CHST11: variants seen among roughly 807,000 people sequenced by gnomAD.
CHST11 encodes carbohydrate sulfotransferase 11.
A neutral mutation model predicts 30.4 loss-of-function variants in CHST11; 9 were observed. The ratio of observed to expected loss-of-function variants is 0.30; its 90% CI spans 0.18 to 0.52. The LOEUF (loss-of-function observed/expected upper bound fraction) is 0.52, where lower values mean the gene tolerates loss of function less well. Among genes scored for constraint, CHST11 ranks in the 20% least tolerant of loss-of-function variants. The pLI is 0.97. For synonymous variants in CHST11, 152 were observed against 187.8 expected (o/e 0.81, Z 1.56); for missense variants, 348 against 460.6 (o/e 0.76, Z 2.24).
chr12:104,754,996 G>A (rs1193669222), intron 2 of CHST11, among the ~76,000 whole-genome samples: 1 of 152,172 alleles, frequency 6.6e-6, no homozygotes, highest in Non-Finnish European at 1.5e-5. Context: ...ACCATCCTTT[G>A]TCCTGGGGAC....
In CHST11 at chr12:104,758,917, A is replaced by G. The variant is rs1255272361; in HGVS notation, c.*1114A>G. On this transcript the variant is annotated 3_prime_UTR_variant, in exon 3 of 3. Transcript: ENST00000303694. Reference sequence around the variant, plus strand: ...GGTAATGTCTGCCTTTAAGCCCCAGAATGGATTCTCCAGGCACAGTGTGGA... The same window carrying G: ...GGTAATGTCTGCCTTTAAGCCCCAGGATGGATTCTCCAGGCACAGTGTGGA... 6.6e-6 allele frequency: 1 copy of G among 152,194 alleles called. No individual in the cohort carries two copies. Among genetic ancestry groups the G allele is most frequent in the Non-Finnish European group, 1.5e-5 (1 of 68,036 alleles). The allele number at this position is 152,194 out of a possible 1,614,324, so 9.4% of individuals were successfully genotyped here.
chr12:104,674,704 C>T (rs148867802), intron 2 of CHST11, among the ~76,000 whole-genome samples: 46 of 152,012 alleles, frequency 3.0e-4, no homozygotes, highest in African/African-American at 9.6e-4. Context: ...TCTTTGCTAA[C>T]GGATTAGACT....
chr12:104,621,766 T>G (rs4964826), intron 2 of CHST11, among the ~76,000 whole-genome samples: 2 of 152,142 alleles, frequency 1.3e-5, no homozygotes, highest in South Asian at 4.1e-4. Flanking sequence ...CTTGTGACCT[T>G]CAGAATGGAA....
At chr12:104,527,914 A>G (rs528342027) in intron 1 of CHST11, among the ~76,000 whole-genome samples, 2 of 152,296 alleles carry the variant, frequency 1.3e-5, no homozygotes, top group South Asian at 4.1e-4. Context: ...GAAGTACCAC[A>G]CTTTACAACC....
chr12:104,685,942 A>G (rs917575756), intron 2 of CHST11, among the ~76,000 whole-genome samples: 2 of 152,180 alleles, frequency 1.3e-5, no homozygotes, highest in Non-Finnish European at 2.9e-5. Context: ...AAACATTTCT[A>G]TAGGCTGGGC....
chr12:104,586,129 T>G (rs1650139), intron 1 of CHST11, among the ~76,000 whole-genome samples: 4 of 151,932 alleles, frequency 2.6e-5, no homozygotes. Flanking sequence ...CTGCAATCCA[T>G]GGTTGCAGGT....
chr12:104,633,125 G>T (rs558387847), intron 2 of CHST11, among the ~76,000 whole-genome samples: 1 of 152,220 alleles, frequency 6.6e-6, no homozygotes, highest in Admixed American at 6.5e-5. Flanking sequence ...AGCAGGATGA[G>T]GGGGCTGCCC....
At chr12:104,540,659 A>C (rs975851146) in intron 1 of CHST11, among the ~76,000 whole-genome samples, 1 of 152,152 alleles carries the variant, frequency 6.6e-6, no homozygotes, top group African/African-American at 2.4e-5. Context: ...GATTGATTAC[A>C]TGTCAAGGAC....
At chr12:104,693,009 G>A (rs542560572) in intron 2 of CHST11, among the ~76,000 whole-genome samples, 1 of 152,222 alleles carries the variant, frequency 6.6e-6, no homozygotes, top group African/African-American at 2.4e-5. Flanking sequence ...CCAAGATCAA[G>A]GTGGCTGCAG....
In CHST11 at chr12:104,525,920, G is replaced by A. The variant is rs149788424; in HGVS notation, c.118+68391G>A. ...TGCAGTTCAAGGATTGGTGGGAAAC[G>A]TTTGTATGTGTTGGGGTGGGGGTGG... On this transcript the variant is annotated intron_variant, in intron 1 of 2. Transcript: ENST00000303694. Among the ~76,000 whole-genome samples, 271 of 108,660 alleles carry A rather than the reference G, an allele frequency of 2.5e-3. 1 individual carries two copies. The highest frequency in any genetic ancestry group is 7.5e-3 in the African/African-American group (218 of 29,060). 71.3% of individuals were successfully genotyped at this position (108,660 alleles called of 152,430 possible).
Position 104,706,316 on chromosome 12 carries a change from G to A in CHST11, c.205-50633G>A, listed in dbSNP as rs555991108. ...GGAGGATTACTTGAACCTGGGAGGCGGAGGTTGCAGTGAGCCGAGATTGCA... is the reference window on the plus strand; with the variant it reads ...GGAGGATTACTTGAACCTGGGAGGCAGAGGTTGCAGTGAGCCGAGATTGCA... On this transcript the variant is annotated intron_variant, in intron 2 of 2. Transcript: ENST00000303694. Among the ~76,000 whole-genome samples the A allele has an allele frequency of 1.1e-4, 17 of 149,610 alleles. 1 individual carries two copies. In the South Asian group the frequency reaches 2.8e-3, roughly 24 times the overall value.
rs1171354102 is a variant in CHST11, at chr12:104,759,931, T to C, written c.*2128T>C. ...AAACAGGTTGTCCAACATTTTCTAA[T>C]ACGCATTCTACAGAACACAGGTTCC... On this transcript the variant is annotated 3_prime_UTR_variant, in exon 3 of 3. Transcript: ENST00000303694. 2 of 152,222 alleles carry C rather than the reference T, an allele frequency of 1.3e-5. No individual in the cohort carries two copies. The highest frequency in any genetic ancestry group is 4.1e-4 in the South Asian group (2 of 4,830). The allele number at this position is 152,222 out of a possible 1,614,324, so 9.4% of individuals were successfully genotyped here.
At chr12:104,511,420 T>A (rs2135981467) in intron 1 of CHST11, among the ~76,000 whole-genome samples, 1 of 152,340 alleles carries the variant, frequency 6.6e-6, no homozygotes, top group African/African-American at 2.4e-5. Context: ...TGATATGTTA[T>A]CATCCAGTCT....
intron 2 of CHST11, among the ~76,000 whole-genome samples, chr12:104,634,568 C>T (rs189466556): frequency 6.6e-6 from 1 of 152,224 alleles, no homozygotes; most frequent in African/African-American, 2.4e-5. Context: ...GAGGGTCTCT[C>T]CCCTCTTCAA....
intron 2 of CHST11, among the ~76,000 whole-genome samples, chr12:104,659,077 A>G (rs992121146): frequency 1.3e-5 from 2 of 152,224 alleles, no homozygotes; most frequent in Admixed American, 6.5e-5. Context: ...CTTGATCTCC[A>G]TCAAAAAAGA....
At chr12:104,670,930 T>A (rs2039690384) in intron 2 of CHST11, among the ~76,000 whole-genome samples, 1 of 152,044 alleles carries the variant, frequency 6.6e-6, no homozygotes, top group African/African-American at 2.4e-5. Flanking sequence ...ACACACACAC[T>A]CTTTTCCAGC....
intron 2 of CHST11, among the ~76,000 whole-genome samples, chr12:104,678,014 T>G (rs703679): frequency 6.6e-6 from 1 of 152,126 alleles, no homozygotes; most frequent in Admixed American, 6.5e-5. Flanking sequence ...TCACCTCCTT[T>G]GAGAGGCCTT....
At chr12:104,617,265 AGCCACAGTC>A (rs1348791560) in intron 2 of CHST11, among the ~76,000 whole-genome samples, 1 of 152,164 alleles carries the variant, frequency 6.6e-6, no homozygotes, top group Non-Finnish European at 1.5e-5. Flanking sequence ...TCCCCTGGGT[AGCCACAGTC>A]AGAGTTATTA....
At chr12:104,616,530 A>G (rs1442083529) in intron 2 of CHST11, among the ~76,000 whole-genome samples, 1 of 151,750 alleles carries the variant, frequency 6.6e-6, no homozygotes, top group Non-Finnish European at 1.5e-5. Context: ...CAGTGGCGCA[A>G]TCTTGGCTCA....
Sources: allele counts gnomAD v4.1 joint callset (sites outside exome capture counted in the v4.1 genomes callset), GRCh38; gene constraint gnomAD v4.1.1; transcripts MANE v1.5; gene names NCBI Gene and HGNC (gene_info 2026-07-23, HGNC 2026-07-21).